Variants in TMEM272 observed in about 807,000 individuals in gnomAD.
The protein encoded by TMEM272 is transmembrane protein 272, also known as long intergenic non-protein coding RNA 282.
A neutral mutation model predicts 3.7 loss-of-function variants in TMEM272; 8 were observed. The observed-to-expected ratio is 2.17, with a 90% CI of 1.27 to 3.91. The LOEUF (loss-of-function observed/expected upper bound fraction) is 3.91, where lower values mean the gene tolerates loss of function less well. Ranked by LOEUF, TMEM272 falls within the 30% of genes most tolerant of loss-of-function variation. The pLI, the probability that TMEM272 is intolerant of heterozygous loss-of-function variation, is 0.00. For synonymous variants in TMEM272, 63 were observed against 39.8 expected (o/e 1.58, Z -2.20); for missense variants, 166 against 91.5 (o/e 1.81, Z -3.32).
chr13:51,832,105 G>T (rs536012026), intron 2 of TMEM272, among the ~76,000 whole-genome samples: 24 of 152,284 alleles, frequency 1.6e-4, no homozygotes, highest in Admixed American at 1.2e-3. Flanking sequence ...CCCTCCTCAG[G>T]GTGGCTTTTG....
chr13:51,839,959 G>T (rs1176684006), intron 1 of TMEM272, among the ~76,000 whole-genome samples: 1 of 152,204 alleles, frequency 6.6e-6, no homozygotes, highest in Non-Finnish European at 1.5e-5. Context: ...ATGGCAGGAA[G>T]CAGTGTGACC....
upstream of TMEM272, among the ~76,000 whole-genome samples, chr13:51,847,497 G>A (rs1300655023): frequency 6.6e-6 from 1 of 152,226 alleles, no homozygotes; most frequent in Non-Finnish European, 1.5e-5. Flanking sequence ...GGGGACCACT[G>A]GGTGTGTAGT....
the TMEM272 span, among the ~76,000 whole-genome samples, chr13:51,924,960 T>A: frequency 6.6e-6 from 1 of 152,200 alleles, no homozygotes; most frequent in Non-Finnish European, 1.5e-5. Flanking sequence ...GATTTTACGC[T>A]GCAGGACTTC....
At chr13:51,911,344 T>C in the TMEM272 span, among the ~76,000 whole-genome samples, 4 of 152,212 alleles carry the variant, frequency 2.6e-5, no homozygotes, top group Non-Finnish European at 5.9e-5. Context: ...AACTGTCCCA[T>C]GCACGACTGA....
chr13:51,849,894 TG>T (rs777531799), upstream of TMEM272, among the ~76,000 whole-genome samples: 9 of 152,318 alleles, frequency 5.9e-5, no homozygotes, highest in Admixed American at 2.0e-4. Flanking sequence ...CTGCCGTCTG[TG>T]GTCTCTCAGT....
chr13:51,832,237 A>G (rs1271436049), intron 2 of TMEM272, among the ~76,000 whole-genome samples: 2 of 152,220 alleles, frequency 1.3e-5, no homozygotes, highest in Non-Finnish European at 2.9e-5. Context: ...CAGGTGTTAA[A>G]GATACGCTGC....
At chr13:51,889,386 G>T in the TMEM272 span, among the ~76,000 whole-genome samples, 2 of 152,068 alleles carry the variant, frequency 1.3e-5, no homozygotes, top group Non-Finnish European at 2.9e-5. Context: ...AGGTCATAAG[G>T]GTGAGACCCT....
the TMEM272 span, among the ~76,000 whole-genome samples, chr13:51,864,044 T>C: frequency 1.1e-4 from 17 of 152,268 alleles, no homozygotes; most frequent in Admixed American, 3.9e-4. Flanking sequence ...TCCTCAGATA[T>C]ATGGCAATGT....
the TMEM272 span, among the ~76,000 whole-genome samples, chr13:51,869,929 C>T: frequency 1.6e-4 from 24 of 152,284 alleles, no homozygotes; most frequent in African/African-American, 4.6e-4. Flanking sequence ...CATGTAGGTT[C>T]GGATCCTTCC....
the TMEM272 span, among the ~76,000 whole-genome samples, chr13:51,888,332 C>A: frequency 6.6e-6 from 1 of 152,166 alleles, no homozygotes. Context: ...AGGCGTGAAC[C>A]ACTGCGCCCA....
the TMEM272 span, among the ~76,000 whole-genome samples, chr13:51,919,117 T>C: frequency 6.6e-6 from 1 of 152,164 alleles, no homozygotes; most frequent in Non-Finnish European, 1.5e-5. Flanking sequence ...GAAGTGCCAG[T>C]GGCCAGTGCC....
the TMEM272 span, chr13:51,933,484 A>G: frequency 6.6e-6 from 1 of 152,192 alleles, no homozygotes; most frequent in Non-Finnish European, 1.5e-5. Flanking sequence ...ATTTAATCCA[A>G]CTCTACTAGT....
the TMEM272 span, among the ~76,000 whole-genome samples, chr13:51,867,647 G>A: frequency 6.6e-6 from 1 of 152,152 alleles, no homozygotes; most frequent in South Asian, 2.1e-4. Flanking sequence ...AATTGGCGCT[G>A]GGAAAGTCTG....
the TMEM272 span, among the ~76,000 whole-genome samples, chr13:51,852,086 G>A: frequency 1.3e-5 from 2 of 152,204 alleles, no homozygotes; most frequent in Non-Finnish European, 2.9e-5. Context: ...ATACATGGGG[G>A]TTATAACAGT....
the TMEM272 span, among the ~76,000 whole-genome samples, chr13:51,850,499 C>T: frequency 6.6e-6 from 1 of 152,040 alleles, no homozygotes; most frequent in Admixed American, 6.5e-5. Flanking sequence ...CACAGTAAGC[C>T]CTGAGTCTTT....
chr13:51,882,121 G>A, the TMEM272 span, among the ~76,000 whole-genome samples: 6 of 152,326 alleles, frequency 3.9e-5, no homozygotes, highest in East Asian at 1.2e-3. Context: ...CTATGATCTT[G>A]TTGGGATTGC....
In TMEM272 at chr13:51,813,976, T is replaced by C. The variant is rs1289941742; in HGVS notation, c.*2775A>G. 1 of 152,238 alleles carries C rather than the reference T, an allele frequency of 6.6e-6. No homozygotes were observed. Among genetic ancestry groups the C allele is most frequent in the Non-Finnish European group, 1.5e-5 (1 of 68,062 alleles). The allele number at this position is 152,238 out of a possible 1,614,324, so 9.4% of individuals were successfully genotyped here. A position where few individuals can be genotyped will look rare whatever the true frequency, so the allele number is the denominator to read the frequency against. ...TTCCCATTGCCTTGCCAGGTTCCCA[T>C]GGAGGAAGGCTGCCCAGCTCTTGGG... On this transcript the variant is annotated 3_prime_UTR_variant, in exon 5 of 5. Transcript: ENST00000629372.
At chr13:51,908,837 C>T in the TMEM272 span, 290 of 1,438,736 alleles carry the variant, frequency 2.0e-4, no homozygotes, top group African/African-American at 1.3e-3. Context: ...CCTGTTCCCA[C>T]GGAGGTGACA....
chr13:51,826,369 C>T (rs1016040396), intron 3 of TMEM272, among the ~76,000 whole-genome samples, 197 bp downstream of exon 3: 6 of 152,162 alleles, frequency 3.9e-5, no homozygotes, highest in Admixed American at 6.5e-5. Flanking sequence ...GCACTGATAT[C>T]TCCCAGGGCG....
Sources: gnomAD v4.1 joint callset for allele counts (sites outside exome capture counted in the v4.1 genomes callset) on GRCh38, gnomAD v4.1.1 for gene constraint, MANE v1.5 for transcripts, NCBI Gene and HGNC (gene_info 2026-07-23, HGNC 2026-07-21) for gene names.